The following THEMIS variants were observed in gnomAD, a reference collection of about 807,000 sequenced individuals.
The protein encoded by THEMIS is thymocyte selection associated, also known as protein THEMIS.
A neutral mutation model predicts 52.6 loss-of-function variants in THEMIS; 37 were observed. The observed-to-expected ratio is 0.70, with a 90% CI of 0.54 to 0.93. THEMIS has a LOEUF of 0.93. THEMIS is among the 40% of genes least tolerant of loss of function. The probability of loss-of-function intolerance (pLI) is 0.00; values close to 1 mark genes in which losing one functional copy is unlikely to be tolerated. For synonymous variants in THEMIS, 292 were observed against 272.7 expected, an observed-to-expected ratio of 1.07 and a Z score of -0.70; for missense variants, 808 against 763.1, an observed-to-expected ratio of 1.06 and a Z score of -0.69.
intron 5 of THEMIS, among the ~76,000 whole-genome samples, chr6:127,718,930 T>G (rs1774266574): frequency 6.6e-6 from 1 of 151,844 alleles, no homozygotes; most frequent in Non-Finnish European, 1.5e-5. Flanking sequence ...ATTTTGACTT[T>G]TATATGTCCT....
chr6:127,811,839 ACTGT>A (rs1235434334), intron 4 of THEMIS, among the ~76,000 whole-genome samples: 4 of 152,198 alleles, frequency 2.6e-5, no homozygotes, highest in Admixed American at 6.5e-5. Context: ...CTCTTTCAAA[ACTGT>A]TTGTCTGGGA....
intron 4 of THEMIS, among the ~76,000 whole-genome samples, chr6:127,798,593 C>T (rs1231455917): frequency 6.6e-6 from 1 of 152,086 alleles, no homozygotes; most frequent in Non-Finnish European, 1.5e-5. Flanking sequence ...ATTAATAACA[C>T]TCATAGGGAT....
intron 2 of THEMIS, among the ~76,000 whole-genome samples, chr6:127,841,604 A>G (rs1779049451): frequency 6.6e-6 from 1 of 152,076 alleles, no homozygotes; most frequent in African/African-American, 2.4e-5. Context: ...GATGAGTAAC[A>G]GAATCATTTT....
At chr6:127,787,438 C>T (rs1776989716) in intron 4 of THEMIS, among the ~76,000 whole-genome samples, 1 of 152,140 alleles carries the variant, frequency 6.6e-6, no homozygotes, top group Non-Finnish European at 1.5e-5. Flanking sequence ...CTCTGCTGCA[C>T]CCATGTCACC....
At chr6:127,710,231 A>G (rs1035093177) in intron 5 of THEMIS, among the ~76,000 whole-genome samples, 4 of 151,798 alleles carry the variant, frequency 2.6e-5, no homozygotes, top group African/African-American at 9.7e-5. Context: ...AGATACTTGT[A>G]TGAGGTAGGA....
intron 1 of THEMIS, among the ~76,000 whole-genome samples, chr6:127,865,097 G>T (rs1378547410): frequency 6.6e-6 from 1 of 152,108 alleles, no homozygotes; most frequent in African/African-American, 2.4e-5. Context: ...GATCACAAAG[G>T]CATGGAGTGC....
intron 4 of THEMIS, among the ~76,000 whole-genome samples, chr6:127,739,535 G>T (rs966460797): frequency 6.6e-6 from 1 of 152,118 alleles, no homozygotes; most frequent in African/African-American, 2.4e-5. Flanking sequence ...CAGCTGCTAG[G>T]GAGGCTGAGG....
the THEMIS span, among the ~76,000 whole-genome samples, chr6:127,697,353 G>A: frequency 6.6e-6 from 1 of 151,936 alleles, no homozygotes. Context: ...CTGGATTCCG[G>A]CAACTGTCAT....
Position 127,785,297 on chromosome 6 carries a change from C to A in THEMIS, c.1758+27586G>T, listed in dbSNP as rs112580324. On this transcript the variant is annotated intron_variant, in intron 4 of 5. Coordinates refer to ENST00000368248, the MANE Select transcript of THEMIS (RefSeq NM_001010923.3). ...ATCTACCTGTCATCTATCTATCTGT[C>A]TTTCTATCTATCTGATATCCATGGT... Among the ~76,000 whole-genome samples the A allele has an allele frequency of 1.7e-3, 257 of 151,638 alleles. 2 individuals are homozygous for A. The highest frequency in any genetic ancestry group is 5.8e-3 in the African/African-American group (240 of 41,350).
At chr6:127,901,204 GGT>G, upstream of THEMIS, 1 of 488,302 alleles carries the variant, frequency 2.0e-6, no homozygotes, top group Non-Finnish European at 3.7e-6. Context: ...ATGGGGGTGG[GGT>G]GAACAGACAC....
intron 4 of THEMIS, among the ~76,000 whole-genome samples, chr6:127,756,792 C>A (rs1333384422): frequency 6.6e-6 from 1 of 152,116 alleles, no homozygotes; most frequent in Non-Finnish European, 1.5e-5. Flanking sequence ...TATTTATATC[C>A]TAATAAAAAA....
At chr6:127,849,198 C>A (rs1483354447) in intron 2 of THEMIS, among the ~76,000 whole-genome samples, 2 of 151,974 alleles carry the variant, frequency 1.3e-5, no homozygotes, top group Admixed American at 6.6e-5. Flanking sequence ...TTCCCCATTT[C>A]TTGTTTTTGT....
chr6:127,734,658 C>A (rs1774925372), intron 4 of THEMIS, among the ~76,000 whole-genome samples: 1 of 151,768 alleles, frequency 6.6e-6, no homozygotes, highest in Non-Finnish European at 1.5e-5. Context: ...ATCACGAAGC[C>A]TGGAGATCAA....
rs1407013076 is a variant in THEMIS at position 127,813,832 on chromosome 6, G to A, written c.809C>T (p.Thr270Ile). 1.2e-6 allele frequency: 2 copies of A among 1,613,804 alleles called. No individual in the cohort carries two copies. Among genetic ancestry groups the A allele is most frequent in the Non-Finnish European group, 1.7e-6 (2 of 1,179,862 alleles). ...ACTAGTCATTTCAAAAAGATCTTCTGTTGATAACAGCTGAAGAAACCAGTT... is the reference window on the plus strand; with the variant it reads ...ACTAGTCATTTCAAAAAGATCTTCTATTGATAACAGCTGAAGAAACCAGTT... ...DANWFLQLLS[T>I]EDLFEMTSKE... is the part of the protein sequence containing the mutation. The change falls in exon 4 of 6, where the codon ACA (threonine) becomes ATA (isoleucine). Residue 270 changes from threonine to isoleucine, a missense_variant. Transcript: ENST00000368248.
chr6:127,732,991 G>T (rs1313810574), intron 4 of THEMIS, among the ~76,000 whole-genome samples: 1 of 152,132 alleles, frequency 6.6e-6, no homozygotes, highest in African/African-American at 2.4e-5. Context: ...CTAAGACTTG[G>T]TACTCTCAGT....
chr6:127,785,262 T>TTATCTATCTAC (rs1776905829), intron 4 of THEMIS, among the ~76,000 whole-genome samples: 1 of 146,758 alleles, frequency 6.8e-6, no homozygotes, highest in Non-Finnish European at 1.5e-5. Flanking sequence ...CATCTATCTA[T>TTATCTATCTAC]TTATCACCTA....
chr6:127,743,101 G>T (rs145024671), intron 4 of THEMIS, among the ~76,000 whole-genome samples: 3 of 151,960 alleles, frequency 2.0e-5, no homozygotes, highest in Non-Finnish European at 4.4e-5. Flanking sequence ...AGAGAAAATG[G>T]GCTATTCTCC....
chr6:127,807,417 G>A (rs1777756488), intron 4 of THEMIS: 1 of 194,832 alleles, frequency 5.1e-6, no homozygotes, highest in South Asian at 5.7e-5. Flanking sequence ...GTATCTCACA[G>A]TCAAAAAAGC....
chr6:127,709,094 A>G lies in THEMIS; in HGVS notation c.*891T>C, dbSNP rs1322598614. On this transcript the variant is annotated 3_prime_UTR_variant, in exon 6 of 6. Transcript: ENST00000368248. ...TGAGAGCCCTTAAAGTAATTTTTAT[A>G]GATGGTACAACTATAAGAGCATCAT... The G allele has an allele frequency of 6.6e-6, 1 of 152,072 alleles. No homozygotes were observed. Among genetic ancestry groups the G allele is most frequent in the Non-Finnish European group, 1.5e-5 (1 of 67,976 alleles). The allele number at this position is 152,072 out of a possible 1,614,324, so 9.4% of individuals were successfully genotyped here.
Sources: allele counts gnomAD v4.1 joint callset (sites outside exome capture counted in the v4.1 genomes callset), GRCh38; gene constraint gnomAD v4.1.1; transcripts MANE v1.5; gene names NCBI Gene and HGNC (gene_info 2026-07-23, HGNC 2026-07-21).